TSPAN19: variants seen among roughly 807,000 people sequenced by gnomAD.
The protein encoded by TSPAN19 is tetraspanin 19, also known as tetraspanin-19.
TSPAN19 carries 44 observed loss-of-function variants against 35.1 expected under a neutral mutation model. The ratio of observed to expected loss-of-function variants is 1.25; its 90% confidence interval spans 0.98 to 1.61. The LOEUF is 1.61. Ranked by LOEUF, TSPAN19 falls within the 40% of genes most tolerant of loss-of-function variation. The pLI is 0.00. For synonymous variants in TSPAN19, 79 were observed against 92.0 expected (o/e 0.86, Z 0.81); for missense variants, 290 against 280.0 (o/e 1.04, Z -0.26).
intron 1 of TSPAN19, 79 bp from the exon 2 acceptor site, chr12:85,030,052 C>T: frequency 9.0e-7 from 1 of 1,114,698 alleles, no homozygotes; most frequent in Non-Finnish European, 1.2e-6. Context: ...TCTTTATTTG[C>T]ACATTTTTCT....
At chr12:85,024,451 G>A (rs79204841) in intron 4 of TSPAN19, among the ~76,000 whole-genome samples, 3,127 of 152,130 alleles carry the variant, frequency 0.021, 142 homozygotes, top group East Asian at 0.2. Flanking sequence ...GCTGGTAACT[G>A]CAACTTTTAC....
At chr12:85,030,003 T>C in intron 1 of TSPAN19, 30 bp from the exon 2 acceptor site, 1 of 1,340,842 alleles carries the variant, frequency 7.5e-7, no homozygotes, top group Non-Finnish European at 1.0e-6. Flanking sequence ...TTTTTAAACA[T>C]TCTACACAAC....
intron 1 of TSPAN19, among the ~76,000 whole-genome samples, chr12:85,034,662 A>G (rs527705666): frequency 6.6e-6 from 1 of 152,208 alleles, no homozygotes; most frequent in African/African-American, 2.4e-5. Flanking sequence ...TAAATACTAC[A>G]TGGTTGATAA....
At chr12:85,035,973 A>T (rs1435467866) in intron 1 of TSPAN19, among the ~76,000 whole-genome samples, 1 of 152,026 alleles carries the variant, frequency 6.6e-6, no homozygotes, top group East Asian at 1.9e-4. Context: ...AAGGCAAACA[A>T]CTTATTGACT....
intron 7 of TSPAN19, 133 bp from the exon 8 acceptor site, chr12:85,016,104 C>T (rs901823600): frequency 1.9e-5 from 10 of 527,462 alleles, no homozygotes; most frequent in East Asian, 1.0e-4. Context: ...ATCTAATTGG[C>T]GAACTGGACT....
chr12:85,033,960 T>G (rs1877797136), intron 1 of TSPAN19, among the ~76,000 whole-genome samples: 1 of 152,096 alleles, frequency 6.6e-6, no homozygotes, highest in Admixed American at 6.6e-5. Flanking sequence ...ATAGAAATAT[T>G]AAGATTATAC....
chr12:85,016,119 G>A, intron 7 of TSPAN19, 148 bp from the exon 8 acceptor site: 1 of 513,998 alleles, frequency 1.9e-6, no homozygotes, highest in Non-Finnish European at 3.3e-6. Flanking sequence ...TGGACTTTTA[G>A]TCCAGAAAGC....
Position 85,014,446 on chromosome 12 carries a change from A to T in TSPAN19, c.*41T>A. 7.1e-7 allele frequency: 1 copy of T among 1,401,950 alleles called. No homozygotes were observed. The highest frequency in any genetic ancestry group is 9.9e-7 in the Non-Finnish European group (1 of 1,010,098). 86.8% of individuals were successfully genotyped at this position (1,401,950 alleles called of 1,614,324 possible). Reference sequence around the variant, plus strand: ...TAAAATAATATAATGTGATTTTTTAAGAATTAACTGGTTTCTTCTGAACAA... The same window carrying T: ...TAAAATAATATAATGTGATTTTTTATGAATTAACTGGTTTCTTCTGAACAA... On this transcript the variant is annotated 3_prime_UTR_variant, in exon 9 of 9. Transcript: ENST00000532498.
intron 4 of TSPAN19, among the ~76,000 whole-genome samples, chr12:85,024,120 G>T (rs1877271534): frequency 6.6e-6 from 1 of 152,082 alleles, no homozygotes. Flanking sequence ...TAGCAAAATG[G>T]GCGAGATTTA....
intron 4 of TSPAN19, among the ~76,000 whole-genome samples, chr12:85,024,199 G>C (rs191458902): frequency 2.6e-5 from 4 of 152,184 alleles, no homozygotes; most frequent in Admixed American, 2.6e-4. Flanking sequence ...CCAGTTCACT[G>C]GTAGAGATGT....
At chr12:85,025,221 C>T (rs560651039) in intron 4 of TSPAN19, among the ~76,000 whole-genome samples, 11 of 151,336 alleles carry the variant, frequency 7.3e-5, no homozygotes, top group African/African-American at 2.7e-4. Context: ...CTGCAACCTT[C>T]GCCTCCCAGG....
intron 6 of TSPAN19, among the ~76,000 whole-genome samples, chr12:85,019,037 C>T (rs1175570109): frequency 6.6e-6 from 1 of 151,866 alleles, no homozygotes; most frequent in Admixed American, 6.6e-5. Context: ...GAAAAATCTG[C>T]ACTGTGAAAT....
At chr12:85,027,867 A>T (rs1877489904) in intron 4 of TSPAN19, 32 bp downstream of exon 4, 1 of 1,535,932 alleles carries the variant, frequency 6.5e-7, no homozygotes, top group Non-Finnish European at 8.7e-7. Context: ...AATCTAAGAC[A>T]AAAATTCAAA....
chr12:85,029,359 A>T (rs1369034527), intron 3 of TSPAN19, among the ~76,000 whole-genome samples: 1 of 152,148 alleles, frequency 6.6e-6, no homozygotes, highest in East Asian at 1.9e-4. Flanking sequence ...TTGTTTTGAT[A>T]CATACAATAT....
intron 8 of TSPAN19, 110 bp downstream of exon 8, chr12:85,015,778 G>C: frequency 2.7e-6 from 2 of 731,114 alleles, no homozygotes. Flanking sequence ...CAAAGTCCTG[G>C]CTCTATTATA....
chr12:85,017,107 G>A (rs1876854614), intron 7 of TSPAN19: 1 of 211,948 alleles, frequency 4.7e-6, no homozygotes, highest in Non-Finnish European at 9.2e-6. Flanking sequence ...TTTACTCCTG[G>A]TGTTTTAGCT....
chr12:85,028,284 C>T (rs1877519500), intron 3 of TSPAN19, among the ~76,000 whole-genome samples: 1 of 152,094 alleles, frequency 6.6e-6, no homozygotes, highest in Non-Finnish European at 1.5e-5. Context: ...CCCTTATCCT[C>T]CTTGTCTTCT....
At chr12:85,018,688 T>C (rs1476599694) in intron 6 of TSPAN19, among the ~76,000 whole-genome samples, 2 of 152,004 alleles carry the variant, frequency 1.3e-5, no homozygotes, top group East Asian at 3.9e-4. Context: ...CCTATTTTTT[T>C]ATGTGAGGCA....
intron 4 of TSPAN19, among the ~76,000 whole-genome samples, chr12:85,025,981 C>T (rs1210246029): frequency 6.6e-6 from 1 of 152,176 alleles, no homozygotes; most frequent in Non-Finnish European, 1.5e-5. Flanking sequence ...AATACCCTTC[C>T]ATGGAATGTC....
Sources: gnomAD v4.1 joint callset for allele counts (sites outside exome capture counted in the v4.1 genomes callset) on GRCh38, gnomAD v4.1.1 for gene constraint, MANE v1.5 for transcripts, NCBI Gene and HGNC (gene_info 2026-07-23, HGNC 2026-07-21) for gene names.